The following GALNT17 variants were observed in gnomAD, a reference collection of about 807,000 sequenced individuals.
GALNT17 encodes the protein UDP-GalNAc:polypeptide N-acetylgalactosaminyltransferase-like 3.
Under a neutral mutation model 63.7 loss-of-function variants are expected in GALNT17, and 29 were observed. The observed-to-expected ratio is 0.46, with a 90% confidence interval of 0.34 to 0.62. GALNT17 has a LOEUF of 0.62. GALNT17 is among the 20% of genes least tolerant of loss of function. The pLI is 0.01. For synonymous variants in GALNT17, 305 were observed against 318.3 expected (o/e 0.96, Z 0.45); for missense variants, 603 against 799.6 (o/e 0.75, Z 2.97).
At chr7:71,541,527 T>C (rs1788892301) in intron 5 of GALNT17, among the ~76,000 whole-genome samples, 1 of 152,144 alleles carries the variant, frequency 6.6e-6, no homozygotes, top group African/African-American at 2.4e-5. Flanking sequence ...TATTCCGGCC[T>C]GGGTGACACA....
chr7:71,627,533 G>T (rs1790391697), intron 6 of GALNT17, among the ~76,000 whole-genome samples: 1 of 152,176 alleles, frequency 6.6e-6, no homozygotes, highest in Admixed American at 6.5e-5. Flanking sequence ...AGGGCAAATG[G>T]CCAGAGTAGT....
At chr7:71,565,766 C>A (rs1228451514) in intron 5 of GALNT17, among the ~76,000 whole-genome samples, 1 of 152,082 alleles carries the variant, frequency 6.6e-6, no homozygotes, top group Non-Finnish European at 1.5e-5. Context: ...AAACACAAAT[C>A]TCTGAGTCCC....
chr7:71,564,278 C>CTTTTTTTT (rs10539122), intron 5 of GALNT17, among the ~76,000 whole-genome samples: 62 of 98,008 alleles, frequency 6.3e-4, no homozygotes, highest in East Asian at 1.0e-3. Flanking sequence ...CTTTTCTTTT[C>CTTTTTTTT]TTTTTTTTTT....
chr7:71,590,129 T>G (rs1199872157), intron 6 of GALNT17, among the ~76,000 whole-genome samples: 1 of 152,214 alleles, frequency 6.6e-6, no homozygotes, highest in Non-Finnish European at 1.5e-5. Context: ...GAAATTGGAT[T>G]TCCTCATCCA....
intron 5 of GALNT17, among the ~76,000 whole-genome samples, chr7:71,564,772 C>T (rs1260395731): frequency 1.3e-5 from 2 of 152,088 alleles, no homozygotes; most frequent in African/African-American, 2.4e-5. Flanking sequence ...CCTGCCCTGG[C>T]CTGGTTTGAA....
intron 1 of GALNT17, among the ~76,000 whole-genome samples, chr7:71,174,097 G>A (rs187733157): frequency 5.5e-4 from 83 of 152,268 alleles, no homozygotes; most frequent in Middle Eastern, 3.4e-3. Context: ...TGACAAGGAC[G>A]GGTAAAGCCC....
At chr7:71,333,239 A>AC (rs1296962466) in intron 1 of GALNT17, among the ~76,000 whole-genome samples, 1 of 151,956 alleles carries the variant, frequency 6.6e-6, no homozygotes, top group East Asian at 1.9e-4. Context: ...CATTTCACAT[A>AC]AATAGAATCA....
At chr7:71,199,744 T>C (rs1433636106) in intron 1 of GALNT17, among the ~76,000 whole-genome samples, 4 of 149,612 alleles carry the variant, frequency 2.7e-5, no homozygotes, top group African/African-American at 7.4e-5. Flanking sequence ...CATGCACTTA[T>C]CCATTAGCTC....
chr7:71,297,597 T>C (rs986833325), intron 1 of GALNT17, among the ~76,000 whole-genome samples: 4 of 125,376 alleles, frequency 3.2e-5, no homozygotes, highest in African/African-American at 1.2e-4. Context: ...GGCAACACAG[T>C]GAGACCTTGT....
chr7:71,555,612 T>C (rs1789151376), intron 5 of GALNT17, among the ~76,000 whole-genome samples: 1 of 151,804 alleles, frequency 6.6e-6, no homozygotes, highest in Admixed American at 6.6e-5. Context: ...TTTTTTGGCA[T>C]TGGAACTATC....
chr7:71,202,515 T>C (rs1789194028), intron 1 of GALNT17, among the ~76,000 whole-genome samples: 1 of 152,226 alleles, frequency 6.6e-6, no homozygotes, highest in Non-Finnish European at 1.5e-5. Flanking sequence ...GAATCAAACA[T>C]TTAATTAAGT....
rs1789439309 is a variant in GALNT17, at chr7:71,571,322, A to G, written c.1000A>G (p.Arg334Gly). 1.2e-6 allele frequency: 2 copies of G among 1,613,984 alleles called. No individual in the cohort carries two copies. The highest frequency in any genetic ancestry group is 8.5e-7 in the Non-Finnish European group (1 of 1,179,986). Residue 334 changes from arginine (R) to glycine (G), a missense_variant, in exon 6 of 11, where the codon AGG (arginine) becomes GGG (glycine). Physicochemically the swap from Arg to Gly is moderately radical, Grantham distance 125 (BLOSUM62 -2). Around this residue, in one of 3 missense-constraint regions of GALNT17, gnomAD observed 336 missense variants for 507.8 expected, o/e 0.66. Coordinates refer to ENST00000333538, the MANE Select transcript of GALNT17 (RefSeq NM_022479.3). ...GATAGGCTGCTCGTTCGTGGTCAACAGGAAGTTCTTCGGTGAAATTGGTCT... is the reference window on the plus strand; with the variant it reads ...GATAGGCTGCTCGTTCGTGGTCAACGGGAAGTTCTTCGGTGAAATTGGTCT... ...AMIGCSFVVN[R>G]KFFGEIGLLD...
rs536117575 is a variant in GALNT17, at chr7:71,132,792, C to G, written c.-11C>G. 1 of 1,587,588 alleles carries G rather than the reference C, an allele frequency of 6.3e-7. No individual in the cohort carries two copies. Among genetic ancestry groups the G allele is most frequent in the East Asian group, 2.3e-5 (1 of 43,616 alleles). On this transcript the variant is annotated 5_prime_UTR_variant, in exon 1 of 11. Transcript: ENST00000333538. ...GCGCAGGTCCGGGGCGAGGGCCGGCCGGGCTGTTTGATGGCTTCACTGAGA... is the reference window on the plus strand; with the variant it reads ...GCGCAGGTCCGGGGCGAGGGCCGGCGGGGCTGTTTGATGGCTTCACTGAGA...
chr7:71,624,102 G>T (rs1790336497), intron 6 of GALNT17, among the ~76,000 whole-genome samples: 1 of 152,178 alleles, frequency 6.6e-6, no homozygotes, highest in African/African-American at 2.4e-5. Context: ...GTCCCACTCT[G>T]TGCTTACGGT....
rs187610147 is a variant in GALNT17 at position 71,432,282 on chromosome 7, C to T, written c.962+11177C>T. 1.2e-4 allele frequency among the ~76,000 whole-genome samples: 19 copies of T among 152,194 alleles called. No individual in the cohort carries two copies. In the East Asian group the frequency reaches 2.3e-3, roughly 19 times the overall value. On this transcript the variant is annotated intron_variant, in intron 5 of 10. Transcript: ENST00000333538. ...TTGTATGGGTAGGGCTGATTTGCTCCGCGGTGGCACATAACAACTCATTTC... is the reference window on the plus strand; with the variant it reads ...TTGTATGGGTAGGGCTGATTTGCTCTGCGGTGGCACATAACAACTCATTTC...
chr7:71,145,949 G>A (rs779561256), intron 1 of GALNT17, among the ~76,000 whole-genome samples: 17 of 151,984 alleles, frequency 1.1e-4, no homozygotes, highest in Non-Finnish European at 1.5e-4. Context: ...CAAGTGCTCC[G>A]TCAGTCTTGG....
chr7:71,282,371 A>G (rs1413226880), intron 1 of GALNT17, among the ~76,000 whole-genome samples: 1 of 152,204 alleles, frequency 6.6e-6, no homozygotes, highest in African/African-American at 2.4e-5. Flanking sequence ...TACACAGCAG[A>G]ATGAAGGAAC....
intron 5 of GALNT17, among the ~76,000 whole-genome samples, chr7:71,455,236 C>G (rs111617458): frequency 1.3e-5 from 2 of 150,876 alleles, no homozygotes; most frequent in Non-Finnish European, 2.9e-5. Context: ...GGGCAGCAGT[C>G]AGACAGTTGG....
rs1471997141 is a variant in GALNT17 at position 71,409,235 on chromosome 7, A to G, written c.590-6654A>G. Reference sequence around the variant, plus strand: ...CACTGGGATTCTGGAATGTCAGCTCAGTTGGAGTAAGCTCTGGCCCACACT... The same window carrying G: ...CACTGGGATTCTGGAATGTCAGCTCGGTTGGAGTAAGCTCTGGCCCACACT... On this transcript the variant is annotated intron_variant, in intron 3 of 10. Coordinates refer to ENST00000333538, the MANE Select transcript of GALNT17 (RefSeq NM_022479.3). Among the ~76,000 whole-genome samples the G allele has an allele frequency of 3.3e-5, 5 of 152,082 alleles. No individual in the cohort carries two copies. In the East Asian group the frequency reaches 9.7e-4, roughly 29 times the overall value.
Sources: allele counts gnomAD v4.1 joint callset (sites outside exome capture counted in the v4.1 genomes callset), GRCh38; gene constraint gnomAD v4.1.1; regional missense constraint gnomAD v4.1.1; transcripts MANE v1.5; gene names NCBI Gene and HGNC (gene_info 2026-07-23, HGNC 2026-07-21).